TCF25: variants seen among roughly 807,000 people sequenced by gnomAD.
TCF25 encodes the protein TCF25 ribosome quality control complex subunit.
A neutral mutation model predicts 83.1 loss-of-function variants in TCF25; 41 were observed. The observed-to-expected ratio is 0.49, with a 90% CI of 0.38 to 0.64. The LOEUF (loss-of-function observed/expected upper bound fraction) is 0.64, where lower values mean the gene tolerates loss of function less well. TCF25 is among the 30% of genes least tolerant of loss of function. TCF25 has a pLI of 0.00. For missense variants in TCF25, 979 were observed against 914.5 expected (o/e 1.07, Z -0.91); for synonymous variants, 458 against 365.0 (o/e 1.25, Z -2.90).
intron 5 of TCF25, chr16:89,889,096 G>A (rs2043229195): frequency 3.7e-6 from 1 of 271,892 alleles, no homozygotes; most frequent in Non-Finnish European, 7.0e-6. Flanking sequence ...CCTTAGAGGA[G>A]GAAGAGCAGG....
intron 5 of TCF25, among the ~76,000 whole-genome samples, chr16:89,888,547 C>T (rs1423686912): frequency 6.7e-6 from 1 of 150,276 alleles, no homozygotes; most frequent in African/African-American, 2.5e-5. Flanking sequence ...GAGATCGTGA[C>T]GTTGCACTCC....
chr16:89,911,002 C>T (rs921189982), intron 17 of TCF25, 78 bp from the exon 18 acceptor site: 2 of 1,578,078 alleles, frequency 1.3e-6, no homozygotes, highest in Non-Finnish European at 1.7e-6. Flanking sequence ...TCGGGCTCCA[C>T]AGTGCCTCCT....
rs201905874 is a variant in TCF25, at chr16:89,873,639, C to G, written c.-29C>G. On this transcript the variant is annotated 5_prime_UTR_variant, in exon 1 of 18. Coordinates refer to ENST00000263346, the MANE Select transcript of TCF25 (RefSeq NM_014972.3). ...GAGTTTTCTGCGCTTCCTTCTCCCT[C>G]TCTCCAGACGTCGTGGTCGTTCGGT... The G allele has an allele frequency of 1.2e-5, 18 of 1,510,312 alleles. No homozygotes were observed. The African/African-American group carries it at 2.2e-4, about 18-fold the overall frequency. The allele number at this position is 1,510,312 out of a possible 1,614,324, so 93.6% of individuals were successfully genotyped here. A position where few individuals can be genotyped will look rare whatever the true frequency, so the allele number is the denominator to read the frequency against.
chr16:89,907,716 C>T (rs532266390), intron 16 of TCF25, among the ~76,000 whole-genome samples: 88 of 124,030 alleles, frequency 7.1e-4, no homozygotes, highest in Middle Eastern at 4.5e-3. Context: ...TGCCACCTCC[C>T]GCCTCCCACC....
chr16:89,891,408 G>GC (rs2043418114), intron 5 of TCF25, among the ~76,000 whole-genome samples: 1 of 152,220 alleles, frequency 6.6e-6, no homozygotes, highest in Non-Finnish European at 1.5e-5. Context: ...ACTGTGGGGA[G>GC]CCCGGGGCCA....
In TCF25 at chr16:89,873,791, G is replaced by A. The variant is rs1188456550; in HGVS notation, c.124G>A (p.Glu42Lys). Reference sequence around the variant, plus strand: ...CGCGGAAGAAGAAGGGCCCAAGCGGGAGCTTGGTGTCCGGCGTCCCGGGGG... The same window carrying A: ...CGCGGAAGAAGAAGGGCCCAAGCGGAAGCTTGGTGTCCGGCGTCCCGGGGG... ...DDAEEEGPKR[E>K]LGVRRPGGAG... is the part of the protein sequence containing the mutation. Residue 42 changes from glutamate to lysine, a missense_variant, in exon 1 of 18, where the codon GAG becomes AAG. Physicochemically the swap from Glu to Lys is moderately conservative, Grantham distance 56. Coordinates refer to ENST00000263346, the MANE Select transcript of TCF25 (RefSeq NM_014972.3). 6.2e-7 allele frequency: 1 copy of A among 1,606,978 alleles called. No individual in the cohort carries two copies. The highest frequency in any genetic ancestry group is 1.7e-5 in the Admixed American group (1 of 59,020).
intron 3 of TCF25, among the ~76,000 whole-genome samples, 158 bp from the exon 4 acceptor site, chr16:89,885,690 T>C (rs552600323): frequency 1.3e-5 from 2 of 152,362 alleles, no homozygotes; most frequent in South Asian, 2.1e-4. Context: ...TCTTCTTTTT[T>C]CTAAATGTGT....
chr16:89,904,035 G>C (rs570896528), intron 12 of TCF25, 83 bp from the exon 13 acceptor site: 13 of 1,366,798 alleles, frequency 9.5e-6, no homozygotes, highest in Non-Finnish European at 1.3e-5. Context: ...CAAGGACCTC[G>C]CTGTGTCCCT....
intron 2 of TCF25, among the ~76,000 whole-genome samples, chr16:89,884,272 T>A (rs2042819763): frequency 6.6e-6 from 1 of 152,094 alleles, no homozygotes. Context: ...GCCCCCGTCT[T>A]CAGGGTGGCT....
intron 7 of TCF25, among the ~76,000 whole-genome samples, chr16:89,894,683 A>T (rs2043709622): frequency 6.6e-6 from 1 of 151,960 alleles, no homozygotes; most frequent in South Asian, 2.1e-4. Flanking sequence ...TTGTTTTTGG[A>T]GTCGGAATCT....
At position 89,895,197 on chromosome 16, in the gene TCF25, C is replaced by G. The variant is rs914843072; in HGVS notation, c.928+60C>G. 1.1e-5 allele frequency: 17 copies of G among 1,483,134 alleles called. No individual in the cohort carries two copies. In the Admixed American group the frequency reaches 2.9e-4, roughly 25 times the overall value. The allele number at this position is 1,483,134 out of a possible 1,614,324, so 91.9% of individuals were successfully genotyped here. ...GTGGGAGCACCTCAAGCTATCAAGA[C>G]AGATGCGATGGTGTAAGATGACAGG... On this transcript the variant is annotated intron_variant, in intron 8 of 17. Transcript: ENST00000263346.
chr16:89,886,170 G>A (rs985069643), intron 4 of TCF25: 7 of 562,218 alleles, frequency 1.2e-5, no homozygotes, highest in Admixed American at 2.2e-5. Context: ...GCTCACGCCT[G>A]TAATCCCAGC....
intron 5 of TCF25, 99 bp from the exon 6 acceptor site, chr16:89,892,094 C>A: frequency 8.5e-7 from 1 of 1,173,448 alleles, no homozygotes; most frequent in Admixed American, 3.1e-5. Context: ...CTCTGCCCCT[C>A]AGTTTTGCTT....
chr16:89,898,985 G>C (rs185971412), intron 11 of TCF25, 113 bp downstream of exon 11: 1 of 1,023,524 alleles, frequency 9.8e-7, no homozygotes, highest in East Asian at 2.6e-5. Flanking sequence ...AACGATAATC[G>C]TCTGAGGGCA....
intron 13 of TCF25, chr16:89,904,670 C>T (rs968670999): frequency 9.7e-5 from 57 of 586,670 alleles, no homozygotes; most frequent in Non-Finnish European, 1.6e-4. Context: ...CCTGTGTGCA[C>T]GCAGATGGAC....
chr16:89,896,647 G>A (rs1484461544), intron 9 of TCF25, among the ~76,000 whole-genome samples: 2 of 148,370 alleles, frequency 1.3e-5, no homozygotes, highest in Non-Finnish European at 3.0e-5. Context: ...TCCACCTCCC[G>A]GGTTCAAGCC....
chr16:89,888,669 C>G (rs966183893), intron 5 of TCF25, among the ~76,000 whole-genome samples: 6 of 148,556 alleles, frequency 4.0e-5, no homozygotes, highest in African/African-American at 1.5e-4. Flanking sequence ...GTTTCTTTCT[C>G]TCTTTCTTTC....
At chr16:89,900,537 C>T (rs141051406) in intron 11 of TCF25, 98 bp from the exon 12 acceptor site, 13 of 1,372,742 alleles carry the variant, frequency 9.5e-6, no homozygotes, top group Admixed American at 8.7e-5. Flanking sequence ...TATACCTGCT[C>T]GGGGTAGGGC....
chr16:89,909,509 CAAAAAAAAAAAA>C (rs11356338), intron 16 of TCF25: 1 of 63,956 alleles, frequency 1.6e-5, no homozygotes, highest in Admixed American at 1.9e-4. Context: ...GACTCCGTCT[CAAAAAAAAAAAA>C]AAAAAAAAAA....
Sources: allele counts gnomAD v4.1 joint callset (sites outside exome capture counted in the v4.1 genomes callset), GRCh38; gene constraint gnomAD v4.1.1; transcripts MANE v1.5; gene names NCBI Gene and HGNC (gene_info 2026-07-23, HGNC 2026-07-21).